Variants in CLEC2D observed in about 807,000 individuals in gnomAD.
CLEC2D encodes C-type lectin related f.
Under a neutral mutation model 20.0 loss-of-function variants are expected in CLEC2D, and 16 were observed. That is an observed-to-expected ratio of 0.80 (90% CI 0.54 to 1.22). The LOEUF is 1.22. Ranked by LOEUF, CLEC2D falls within the 50% of genes most tolerant of loss-of-function variation. CLEC2D has a pLI of 0.00. For missense variants in CLEC2D, 207 were observed against 221.5 expected, an observed-to-expected ratio of 0.93 and a Z score of 0.42; for synonymous variants, 77 against 71.1, an observed-to-expected ratio of 1.08 and a Z score of -0.42.
chr12:9,682,510 C>T (rs1303541606), intron 2 of CLEC2D, among the ~76,000 whole-genome samples: 1 of 152,026 alleles, frequency 6.6e-6, no homozygotes, highest in Non-Finnish European at 1.5e-5. Flanking sequence ...TAATGCTATC[C>T]CTCCCGTTGC....
chr12:9,672,552 A>G (rs1210838169), intron 1 of CLEC2D, among the ~76,000 whole-genome samples: 1 of 151,858 alleles, frequency 6.6e-6, no homozygotes, highest in Admixed American at 6.6e-5. Context: ...GGGTTGATCT[A>G]CTCATGAAGT....
At chr12:9,691,511 CA>C (rs1565470749) in intron 3 of CLEC2D, among the ~76,000 whole-genome samples, 3 of 152,042 alleles carry the variant, frequency 2.0e-5, no homozygotes. Flanking sequence ...TGTTAGGCCA[CA>C]AAACAAGTGT....
intron 4 of CLEC2D, 146 bp from the exon 5 acceptor site, chr12:9,694,614 T>C (rs1158101556): frequency 3.3e-6 from 2 of 606,224 alleles, no homozygotes; most frequent in Non-Finnish European, 6.0e-6. Context: ...CAAAGCCCAC[T>C]GACTAATTAG....
intron 2 of CLEC2D, among the ~76,000 whole-genome samples, chr12:9,685,691 G>A (rs527468708): frequency 3.2e-3 from 490 of 152,266 alleles, no homozygotes; most frequent in Middle Eastern, 6.8e-3. Flanking sequence ...CAGTAATGGC[G>A]GATGCACCTC....
intron 1 of CLEC2D, among the ~76,000 whole-genome samples, chr12:9,673,464 C>T (rs1865461910): frequency 6.6e-6 from 1 of 152,238 alleles, no homozygotes; most frequent in South Asian, 2.1e-4. Context: ...GGCCTGATGC[C>T]AGCCGGAACT....
At position 9,696,938 on chromosome 12, in the gene CLEC2D, A is replaced by G. The variant is rs1160406075; in HGVS notation, c.*2064A>G. 6.6e-6 allele frequency: 1 copy of G among 152,160 alleles called. No homozygotes were observed. The highest frequency in any genetic ancestry group is 2.4e-5 in the African/African-American group (1 of 41,440). The allele number at this position is 152,160 out of a possible 1,614,324, so 9.4% of individuals were successfully genotyped here. ...TTTATTATAACACATCTTTATTCAT[A>G]ATAGCCAAGATACGGAACTAACTGA... On this transcript the variant is annotated 3_prime_UTR_variant, in exon 5 of 5. Transcript: ENST00000290855.
Position 9,696,038 on chromosome 12 carries a change from AG to A in CLEC2D, c.*1166del. 1 of 1,345,970 alleles carries A rather than the reference AG, an allele frequency of 7.4e-7. No individual in the cohort carries two copies. The highest frequency in any genetic ancestry group is 1.2e-5 in the South Asian group (1 of 85,842). 83.4% of individuals were successfully genotyped at this position (1,345,970 alleles called of 1,614,324 possible). ...AAAGGACAAGAATCCTTCAAAAAAC[AG>A]GAAAAATCTCCTAAAACACCAAAAG... On this transcript the variant is annotated 3_prime_UTR_variant, in exon 5 of 5. Transcript: ENST00000290855.
intron 1 of CLEC2D, chr12:9,680,193 C>T (rs1475790950): frequency 6.3e-6 from 2 of 317,320 alleles, no homozygotes; most frequent in South Asian, 2.7e-5. Flanking sequence ...TTGTTAGGCA[C>T]TTCTGTCTCC....
chr12:9,678,983 C>G (rs998128518), intron 1 of CLEC2D, among the ~76,000 whole-genome samples: 1 of 152,174 alleles, frequency 6.6e-6, no homozygotes, highest in South Asian at 2.1e-4. Context: ...ACACTCACAA[C>G]TAACATAAGT....
intron 1 of CLEC2D, among the ~76,000 whole-genome samples, chr12:9,674,831 G>C (rs1865490332): frequency 6.6e-6 from 1 of 152,114 alleles, no homozygotes; most frequent in Non-Finnish European, 1.5e-5. Flanking sequence ...CAGTTTATCA[G>C]TTCTTTCTTT....
rs35210729 is a variant in CLEC2D, at chr12:9,697,535, A to G, written c.*2661A>G. On this transcript the variant is annotated 3_prime_UTR_variant, in exon 5 of 5. Transcript: ENST00000290855. Reference sequence around the variant, plus strand: ...CCCTGATTTCCCACTTCACACCTCTATATTTCTGTGTGTGTGTCTTTAGTT... The same window carrying G: ...CCCTGATTTCCCACTTCACACCTCTGTATTTCTGTGTGTGTGTCTTTAGTT... 5,921 of 138,694 alleles carry G rather than the reference A, an allele frequency of 0.043. 148 individuals are homozygous for G. The highest frequency in any genetic ancestry group is 0.059 in the Admixed American group (877 of 14,746). 8.6% of individuals were successfully genotyped at this position (138,694 alleles called of 1,614,324 possible).
chr12:9,684,954 G>T (rs1051187227), intron 2 of CLEC2D, among the ~76,000 whole-genome samples: 1 of 152,172 alleles, frequency 6.6e-6, no homozygotes, highest in African/African-American at 2.4e-5. Context: ...AGAAGGAATG[G>T]TACCAGCTCC....
At chr12:9,673,510 AG>A (rs1275110509) in intron 1 of CLEC2D, among the ~76,000 whole-genome samples, 2 of 152,248 alleles carry the variant, frequency 1.3e-5, no homozygotes, top group Admixed American at 1.3e-4. Context: ...CTTGTTGGGA[AG>A]TCTCACCCAG....
rs554771881 is a variant in CLEC2D, at chr12:9,699,525, A to G, written c.*4651A>G. 2 of 152,316 alleles carry G rather than the reference A, an allele frequency of 1.3e-5. No individual in the cohort carries two copies. The highest frequency in any genetic ancestry group is 4.1e-4 in the South Asian group (2 of 4,830). The allele number at this position is 152,316 out of a possible 1,614,324, so 9.4% of individuals were successfully genotyped here. A position where few individuals can be genotyped will look rare whatever the true frequency, so the allele number is the denominator to read the frequency against. On this transcript the variant is annotated 3_prime_UTR_variant, in exon 5 of 5. Coordinates refer to ENST00000290855, the MANE Select transcript of CLEC2D (RefSeq NM_013269.6). ...AATTACTTCTAGTATAATTCTGAAT[A>G]AACACTTTGAAAGGCAGTGAACTGT...
chr12:9,680,039 T>G (rs1865602094), intron 1 of CLEC2D, among the ~76,000 whole-genome samples: 1 of 152,232 alleles, frequency 6.6e-6, no homozygotes, highest in South Asian at 2.1e-4. Flanking sequence ...CATCTTGAAT[T>G]GTAGTTCTCA....
intron 3 of CLEC2D, 115 bp from the exon 4 acceptor site, chr12:9,692,713 C>CA (rs758138715): frequency 4.6e-6 from 3 of 652,800 alleles, no homozygotes; most frequent in Non-Finnish European, 7.9e-6. Context: ...CTAAACAATA[C>CA]AAAATCAAAA....
chr12:9,674,536 G>T (rs1441778508), intron 1 of CLEC2D, among the ~76,000 whole-genome samples: 1 of 152,176 alleles, frequency 6.6e-6, no homozygotes, highest in Admixed American at 6.5e-5. Context: ...TTTCTGTTTG[G>T]CCATTTTGGC....
At chr12:9,684,563 C>T (rs1046591161) in intron 2 of CLEC2D, among the ~76,000 whole-genome samples, 6 of 152,042 alleles carry the variant, frequency 3.9e-5, no homozygotes, top group African/African-American at 1.2e-4. Flanking sequence ...CCATCAATAC[C>T]TAGTCTATTG....
In CLEC2D at chr12:9,680,950, T is replaced by G; in HGVS notation, c.89T>G (p.Ile30Ser). The change falls in exon 2 of 5, where the codon ATT becomes AGT. Residue 30 changes from isoleucine (I) to serine (S), a missense_variant. Ile to Ser is a moderately radical substitution (Grantham distance 142). Transcript: ENST00000290855. The part of the protein sequence containing the change: ...PGCLHSKEHS[I>S]KATLIWRLFF... ...TGTCTGCATTCAAAAGAGCATTCTATTAAAGCTACCTTAATTTGGCGCTTA... is the reference window on the plus strand; with the variant it reads ...TGTCTGCATTCAAAAGAGCATTCTAGTAAAGCTACCTTAATTTGGCGCTTA... 2 of 1,596,816 alleles carry G rather than the reference T, an allele frequency of 1.3e-6. No individual in the cohort carries two copies. The highest frequency in any genetic ancestry group is 1.7e-6 in the Non-Finnish European group (2 of 1,165,350).
Sources: gnomAD v4.1 joint callset for allele counts (sites outside exome capture counted in the v4.1 genomes callset) on GRCh38, gnomAD v4.1.1 for gene constraint, MANE v1.5 for transcripts, NCBI Gene and HGNC (gene_info 2026-07-23, HGNC 2026-07-21) for gene names.